OTOGL: variants seen among roughly 807,000 people sequenced by gnomAD.
The protein encoded by OTOGL is otogelin like.
OTOGL carries 285 observed loss-of-function variants against 318.5 expected under a neutral mutation model. That is an observed-to-expected ratio of 0.89 (90% CI 0.81 to 0.99). The LOEUF is 0.99. Ranked by LOEUF, OTOGL falls within the 50% of genes least tolerant of loss-of-function variation. OTOGL has a pLI of 0.00. For missense variants in OTOGL, 2,899 were observed against 2,845.6 expected (o/e 1.02, Z -0.43); for synonymous variants, 987 against 936.5 (o/e 1.05, Z -0.99).
At chr12:80,283,994 A>C (rs1884427741) in intron 26 of OTOGL, among the ~76,000 whole-genome samples, 1 of 152,030 alleles carries the variant, frequency 6.6e-6, no homozygotes, top group African/African-American at 2.4e-5. Context: ...CCCCCCACAC[A>C]TTAGGTATTT....
At chr12:80,240,341 G>T (rs1017094498) in intron 11 of OTOGL, among the ~76,000 whole-genome samples, 2 of 151,994 alleles carry the variant, frequency 1.3e-5, no homozygotes, top group African/African-American at 4.8e-5. Flanking sequence ...TTTATGCCGT[G>T]AATCCCTTTT....
intron 1 of OTOGL, among the ~76,000 whole-genome samples, chr12:80,129,180 T>G (rs556133867): frequency 6.6e-6 from 1 of 152,304 alleles, no homozygotes; most frequent in African/African-American, 2.4e-5. Flanking sequence ...CCATCTTGGC[T>G]CCACCCACCT....
intron 19 of OTOGL, 49 bp downstream of exon 19, chr12:80,262,142 T>G (rs539134422): frequency 1.3e-4 from 202 of 1,525,872 alleles, no homozygotes; most frequent in Middle Eastern, 6.9e-4. Context: ...TAGGGAAAAG[T>G]TCTATGTATT....
chr12:80,222,370 G>A (rs1366630478), intron 7 of OTOGL, 125 bp downstream of exon 7: 1 of 1,031,998 alleles, frequency 9.7e-7, no homozygotes, highest in Non-Finnish European at 1.3e-6. Context: ...TTTTGAAGAG[G>A]GTCTGGGTTC....
At chr12:80,345,341 T>C (rs1592735442) in intron 44 of OTOGL, among the ~76,000 whole-genome samples, 1 of 151,094 alleles carries the variant, frequency 6.6e-6, no homozygotes, top group African/African-American at 2.4e-5. Flanking sequence ...ATTCAAGTGA[T>C]TCTCCTGCCT....
At chr12:80,367,490 T>C in intron 53 of OTOGL, 71 bp from the exon 54 acceptor site, 1 of 1,192,882 alleles carries the variant, frequency 8.4e-7, no homozygotes, top group Non-Finnish European at 1.1e-6. Flanking sequence ...GACTCAAATA[T>C]AAGTTCCAAC....
At chr12:80,340,825 T>C (rs994301861) in intron 43 of OTOGL, among the ~76,000 whole-genome samples, 1 of 152,154 alleles carries the variant, frequency 6.6e-6, no homozygotes, top group Non-Finnish European at 1.5e-5. Context: ...CTATGAAGTC[T>C]GGAGTGGTGA....
chr12:80,150,064 A>G (rs577657813), intron 1 of OTOGL, among the ~76,000 whole-genome samples: 1 of 152,298 alleles, frequency 6.6e-6, no homozygotes, highest in Admixed American at 6.5e-5. Context: ...CTATTCGGCC[A>G]TCTTGGCTTC....
In OTOGL at chr12:80,211,953, G is replaced by C; in HGVS notation, c.124G>C (p.Gly42Arg). Residue 42 changes from glycine (G) to arginine (R), a missense_variant, in exon 4 of 59, where the codon GGG becomes CGG. Gly to Arg is a moderately radical substitution (Grantham distance 125). Coordinates refer to ENST00000547103, the MANE Select transcript of OTOGL (RefSeq NM_001378609.3). ...SSILMGTSKN[G>R]FNENRQKRAL... ...GTTCTTTTTGTTTTCTTCCAGAAACGGGTTTAATGAAAATCGACAGAAAAG... is the reference window on the plus strand; with the variant it reads ...GTTCTTTTTGTTTTCTTCCAGAAACCGGTTTAATGAAAATCGACAGAAAAG... 1 of 1,569,584 alleles carries C rather than the reference G, an allele frequency of 6.4e-7. No homozygotes were observed.
At chr12:80,272,220 A>T (rs1489163325) in intron 24 of OTOGL, among the ~76,000 whole-genome samples, 2 of 152,084 alleles carry the variant, frequency 1.3e-5, no homozygotes, top group Admixed American at 1.3e-4. Context: ...GAGGCTACAA[A>T]GGGCAGTGGG....
At position 80,342,342 on chromosome 12, in the gene OTOGL, T is replaced by A. The variant is rs559701646; in HGVS notation, c.5265+180T>A. Among the ~76,000 whole-genome samples, 38 of 152,350 alleles carry A rather than the reference T, an allele frequency of 2.5e-4. No individual in the cohort carries two copies. In the South Asian group the frequency reaches 7.5e-3, roughly 30 times the overall value. On this transcript the variant is annotated intron_variant, in intron 44 of 58. Transcript: ENST00000547103. The stretch of plus-strand genomic sequence containing the variant: ...TACAGGCTTACAAACACAAGAAGGA[T>A]AATTTTATTTCTTTTCTTTATGCTT...
intron 1 of OTOGL, chr12:80,208,378 G>C: frequency 5.3e-6 from 2 of 376,854 alleles, no homozygotes; most frequent in Non-Finnish European, 1.0e-5. Flanking sequence ...GGTACAACAG[G>C]ATATTAACAA....
intron 7 of OTOGL, among the ~76,000 whole-genome samples, chr12:80,227,956 C>T (rs1027536960): frequency 3.9e-5 from 6 of 152,078 alleles, no homozygotes; most frequent in Admixed American, 6.6e-5. Flanking sequence ...TTTAGCTTCA[C>T]ATAGCTATAT....
intron 52 of OTOGL, chr12:80,366,316 G>A (rs1890525921): frequency 4.4e-6 from 2 of 454,704 alleles, no homozygotes; most frequent in South Asian, 1.6e-5. Flanking sequence ...CCTTGGTAGA[G>A]CAGATCAAGA....
intron 44 of OTOGL, among the ~76,000 whole-genome samples, chr12:80,345,874 C>T (rs1369152659): frequency 1.3e-5 from 2 of 152,280 alleles, no homozygotes; most frequent in Middle Eastern, 3.4e-3. Context: ...CCTGTGTCTT[C>T]AGACAACATC....
In OTOGL at chr12:80,377,140, A is replaced by C. The variant is rs1592463071; in HGVS notation, c.6799A>C (p.Ile2267Leu). ...CCKICKREERICQKVIIKSVI... is the reference protein window; with the variant it reads ...CCKICKREERLCQKVIIKSVI... ...TTTATCAGGCAAACGAGAAGAAAGA[A>C]TATGCCAGAAAGTGATCATTAAATC... Residue 2267 changes from isoleucine to leucine, a missense_variant, in exon 58 of 59, where the codon ATA becomes CTA. Ile to Leu is a conservative substitution (Grantham distance 5, BLOSUM62 2). Around this residue, in one of 3 missense-constraint regions of OTOGL, gnomAD observed 289 missense variants for 304.6 expected, o/e 0.95. Coordinates refer to ENST00000547103, the MANE Select transcript of OTOGL (RefSeq NM_001378609.3). 1.9e-6 allele frequency: 3 copies of C among 1,607,766 alleles called. No individual in the cohort carries two copies. In the East Asian group the frequency reaches 6.7e-5, roughly 36 times the overall value.
chr12:80,177,816 G>T (rs1874627584), intron 1 of OTOGL, among the ~76,000 whole-genome samples: 1 of 151,912 alleles, frequency 6.6e-6, no homozygotes, highest in African/African-American at 2.4e-5. Context: ...GTCCTTTTGA[G>T]GTTGCTTTTA....
At chr12:80,343,486 C>CTTGGTTTTTTT (rs1565999648) in intron 44 of OTOGL, 1 of 71,354 alleles carries the variant, frequency 1.4e-5, no homozygotes, top group East Asian at 5.5e-4. Flanking sequence ...TTATTTTTTA[C>CTTGGTTTTTTT]ATTTTTATTA....
At chr12:80,231,193 T>C (rs1879326354) in intron 8 of OTOGL, among the ~76,000 whole-genome samples, 1 of 152,196 alleles carries the variant, frequency 6.6e-6, no homozygotes, top group Non-Finnish European at 1.5e-5. Flanking sequence ...ATAGTTTTTA[T>C]AAACTTAGAA....
Sources: gnomAD v4.1 joint callset for allele counts (sites outside exome capture counted in the v4.1 genomes callset) on GRCh38, gnomAD v4.1.1 for gene constraint, gnomAD v4.1.1 regional missense constraint, MANE v1.5 for transcripts, NCBI Gene and HGNC (gene_info 2026-07-23, HGNC 2026-07-21) for gene names.